The following YME1L1 variants were observed in gnomAD, a reference collection of about 807,000 sequenced individuals.
YME1L1 encodes the protein ATP-dependent zinc metalloprotease YME1L1.
YME1L1 carries 39 observed loss-of-function variants against 90.4 expected under a neutral mutation model. The observed-to-expected ratio is 0.43, with a 90% CI of 0.33 to 0.56. The LOEUF is 0.56. Among genes scored for constraint, YME1L1 ranks in the 20% least tolerant of loss-of-function variants. YME1L1 has a pLI of 0.03. For synonymous variants in YME1L1, 284 were observed against 287.3 expected (o/e 0.99, Z 0.12); for missense variants, 617 against 868.4 (o/e 0.71, Z 3.64).
chr10:27,135,969 G>C (rs1052943800), intron 5 of YME1L1, among the ~76,000 whole-genome samples: 1 of 152,150 alleles, frequency 6.6e-6, no homozygotes, highest in Non-Finnish European at 1.5e-5. Flanking sequence ...AATGGATGTG[G>C]GAGGTAAGGC....
At chr10:27,137,565 A>G (rs183651289) in intron 4 of YME1L1, among the ~76,000 whole-genome samples, 7 of 152,288 alleles carry the variant, frequency 4.6e-5, no homozygotes, top group Admixed American at 2.0e-4. Flanking sequence ...GTGCCCACCA[A>G]TGCTTATGAG....
rs143745804 is a variant in YME1L1 at position 27,142,459 on chromosome 10, G to A, written c.358C>T (p.Arg120Cys). 16 of 1,513,928 alleles carry A rather than the reference G, an allele frequency of 1.1e-5. No individual in the cohort carries two copies. Among genetic ancestry groups the A allele is most frequent in the African/African-American group, 4.3e-5 (3 of 70,572 alleles). The allele number at this position is 1,513,928 out of a possible 1,614,324, so 93.8% of individuals were successfully genotyped here. Residue 120 changes from arginine to cysteine, a missense_variant, in exon 4 of 19, where the codon CGT (arginine) becomes TGT (cysteine). By Grantham distance (180) the Arg-to-Cys change is radical (BLOSUM62 -3). This residue lies in a region of YME1L1 where 311 missense variants were observed against 335.8 expected (regional missense o/e 0.93). Transcript: ENST00000376016. Reference sequence around the variant, plus strand: ...TGATGTCGATACAAGCAAGAGGAACGTAATGTACTAAATATATCTAAGTTA... The same window carrying A: ...TGATGTCGATACAAGCAAGAGGAACATAATGTACTAAATATATCTAAGTTA... ...YGNLDIFSTL[R>C]SSCLYRHHSR...
intron 4 of YME1L1, among the ~76,000 whole-genome samples, chr10:27,139,186 T>A (rs2057060035): frequency 6.6e-6 from 1 of 152,078 alleles, no homozygotes; most frequent in Non-Finnish European, 1.5e-5. Flanking sequence ...CAGACACAGA[T>A]ACATACATAT....
At chr10:27,117,776 A>G in intron 14 of YME1L1, 49 bp from the exon 15 acceptor site, 1 of 1,583,014 alleles carries the variant, frequency 6.3e-7, no homozygotes, top group East Asian at 2.2e-5. Context: ...GGTATATTTA[A>G]ATCAACAAAA....
intron 1 of YME1L1, 119 bp from the exon 2 acceptor site, chr10:27,149,159 T>C (rs759422815): frequency 3.0e-5 from 25 of 830,698 alleles, no homozygotes; most frequent in Non-Finnish European, 3.6e-5. Flanking sequence ...CTCTGTATAC[T>C]AAAAACTGTA....
chr10:27,117,996 G>A (rs1193134075), intron 14 of YME1L1, among the ~76,000 whole-genome samples: 1 of 152,200 alleles, frequency 6.6e-6, no homozygotes, highest in African/African-American at 2.4e-5. Context: ...GGAGAATTAT[G>A]TAGGTATATG....
At chr10:27,134,180 A>C in intron 6 of YME1L1, 58 bp from the exon 7 acceptor site, 1 of 1,264,438 alleles carries the variant, frequency 7.9e-7, no homozygotes. Flanking sequence ...TGACAGCTCA[A>C]TGAAATGCAA....
At chr10:27,121,674 G>A (rs2056868873) in intron 11 of YME1L1, among the ~76,000 whole-genome samples, 1 of 151,752 alleles carries the variant, frequency 6.6e-6, no homozygotes, top group Admixed American at 6.6e-5. Flanking sequence ...ACAGGTGCAT[G>A]CCAACATATC....
At chr10:27,113,813 G>T (rs1276518316) in intron 18 of YME1L1, among the ~76,000 whole-genome samples, 1 of 149,966 alleles carries the variant, frequency 6.7e-6, no homozygotes, top group Non-Finnish European at 1.5e-5. Context: ...AATATAGCAA[G>T]ACCCATCCCC....
intron 5 of YME1L1, among the ~76,000 whole-genome samples, chr10:27,135,333 C>T (rs184693197): frequency 1.3e-5 from 2 of 152,084 alleles, no homozygotes; most frequent in Non-Finnish European, 1.5e-5. Context: ...TACTAAGCAC[C>T]GTTCATATAC....
chr10:27,153,451 T>C (rs576492075), intron 1 of YME1L1, among the ~76,000 whole-genome samples: 9 of 152,276 alleles, frequency 5.9e-5, no homozygotes, highest in African/African-American at 2.2e-4. Context: ...GTAGGAACTC[T>C]CAAAAAATCT....
At chr10:27,142,546 T>A in intron 3 of YME1L1, 61 bp from the exon 4 acceptor site, 2 of 767,524 alleles carry the variant, frequency 2.6e-6, no homozygotes, top group Non-Finnish European at 4.0e-6. Context: ...AAAAATCCTA[T>A]GAAATATAAA....
chr10:27,137,881 G>A (rs766524611), intron 4 of YME1L1, among the ~76,000 whole-genome samples: 2 of 151,788 alleles, frequency 1.3e-5, no homozygotes, highest in African/African-American at 2.4e-5. Flanking sequence ...TTTGTCTTTC[G>A]ATCATATACA....
intron 9 of YME1L1, among the ~76,000 whole-genome samples, chr10:27,124,358 A>T (rs2056896587): frequency 6.6e-6 from 1 of 152,200 alleles, no homozygotes; most frequent in Non-Finnish European, 1.5e-5. Context: ...TATGGATGTT[A>T]ATTGTACTGT....
chr10:27,132,543 T>C (rs2056987727), intron 7 of YME1L1, among the ~76,000 whole-genome samples: 1 of 151,376 alleles, frequency 6.6e-6, no homozygotes. Flanking sequence ...TAATAAAGAC[T>C]GGGCGTGGTG....
At chr10:27,122,768 A>G (rs1437022792) in intron 11 of YME1L1, 73 bp downstream of exon 11, 16 of 1,578,558 alleles carry the variant, frequency 1.0e-5, no homozygotes, top group Non-Finnish European at 1.2e-5. Context: ...AATAATTTGC[A>G]TAAGATCAAT....
rs556030860 is a variant in YME1L1 at position 27,110,562 on chromosome 10, T to G, written c.*1415A>C. 4.1e-4 allele frequency: 62 copies of G among 152,302 alleles called. No homozygotes were observed. The highest frequency in any genetic ancestry group is 1.5e-3 in the African/African-American group (61 of 41,574). 9.4% of individuals were successfully genotyped at this position (152,302 alleles called of 1,614,324 possible). ...ATAATTTTTCTATTGAGTTAAATATTCATCTGTAGATCCTATAACAGCATG... is the reference window on the plus strand; with the variant it reads ...ATAATTTTTCTATTGAGTTAAATATGCATCTGTAGATCCTATAACAGCATG... On this transcript the variant is annotated 3_prime_UTR_variant, in exon 19 of 19. Coordinates refer to ENST00000376016, the MANE Select transcript of YME1L1 (RefSeq NM_014263.4).
At chr10:27,119,955 T>C (rs75027886) in intron 13 of YME1L1, among the ~76,000 whole-genome samples, 7,315 of 152,206 alleles carry the variant, frequency 0.048, 238 homozygotes, top group Non-Finnish European at 0.07. Flanking sequence ...ATAGGAAACA[T>C]GTATAGTTTA....
intron 4 of YME1L1, 107 bp downstream of exon 4, chr10:27,142,280 C>T: frequency 1.6e-6 from 1 of 624,682 alleles, no homozygotes; most frequent in African/African-American, 1.9e-5. Flanking sequence ...TCTTTAGGTC[C>T]TGTGAATTGC....
Sources: allele counts gnomAD v4.1 joint callset (sites outside exome capture counted in the v4.1 genomes callset), GRCh38; gene constraint gnomAD v4.1.1; regional missense constraint gnomAD v4.1.1; transcripts MANE v1.5; gene names NCBI Gene and HGNC (gene_info 2026-07-23, HGNC 2026-07-21).